ZNF594: variants seen among roughly 807,000 people sequenced by gnomAD.
ZNF594 encodes zinc finger protein 594.
For missense variants in ZNF594, 1,037 were observed against 964.6 expected (o/e 1.08, Z -0.99); for synonymous variants, 336 against 309.4 (o/e 1.09, Z -0.90).
chr17:5,174,757 G>A (rs566203621), downstream of ZNF594: 19 of 199,800 alleles, frequency 9.5e-5, no homozygotes, highest in South Asian at 3.8e-4. Flanking sequence ...ATGAACTAGC[G>A]GAAAATTTAT....
chr17:5,188,521 G>A (rs1669170755), intron 1 of ZNF594, among the ~76,000 whole-genome samples: 1 of 151,798 alleles, frequency 6.6e-6, no homozygotes, highest in Non-Finnish European at 1.5e-5. Context: ...TGGGATGTAT[G>A]CTTAAAATAA....
chr17:5,181,951 GTCC>G lies in ZNF594; in HGVS notation c.2303_2305del (p.Arg768del). ...GATGAGATCTGAGCTGCCCTGGAAG[GTCC>G]TACTACACTGATTACACCAATAAAC... is the stretch of plus-strand genomic sequence containing the variant. On this transcript the variant is annotated inframe_deletion, in exon 2 of 2. Coordinates refer to ENST00000575779, the MANE Select transcript of ZNF594 (RefSeq NM_032530.2). 3 of 1,613,772 alleles carry G rather than the reference GTCC, an allele frequency of 1.9e-6. No individual in the cohort carries two copies. Among genetic ancestry groups the G allele is most frequent in the Non-Finnish European group, 1.7e-6 (2 of 1,180,008 alleles).
At position 5,182,311 on chromosome 17, in the gene ZNF594, T is replaced by A. The variant is rs549760236; in HGVS notation, c.1946A>T (p.Glu649Val). ...LIKHHRIHTG[E>V]KPYECSECGK... ...ACATTCACTACATTCATAGGGTTTC[T>A]CTCCAGTATGAATACGATGGTGTTT... Residue 649 changes from glutamate (E) to valine (V), a missense_variant, in exon 2 of 2, where the codon GAG becomes GTG. Coordinates refer to ENST00000575779, the MANE Select transcript of ZNF594 (RefSeq NM_032530.2). 1.9e-6 allele frequency: 3 copies of A among 1,613,576 alleles called. No homozygotes were observed. The highest frequency in any genetic ancestry group is 2.5e-6 in the Non-Finnish European group (3 of 1,179,966).
chr17:5,182,994 T>A lies in ZNF594; in HGVS notation c.1263A>T (p.Arg421Ser), dbSNP rs1287664744. ...TTTCTCCACTGTGAATTCTATGATG[T>A]CTCAGAAGGTCTGAGCTCTGATTGA... ...KTFNQSSDLL[R>S]HHRIHSGEKP... is the part of the protein sequence containing the mutation. The change falls in exon 2 of 2, where the codon AGA becomes AGT. Residue 421 changes from arginine (R) to serine (S), a missense_variant. Transcript: ENST00000575779. The A allele has an allele frequency of 6.2e-7, 1 of 1,614,166 alleles. No homozygotes were observed.
chr17:5,183,558 G>A lies in ZNF594; in HGVS notation c.699C>T (p.His233=). The A allele has an allele frequency of 1.2e-6, 2 of 1,614,132 alleles. No homozygotes were observed. Among genetic ancestry groups the A allele is most frequent in the Non-Finnish European group, 1.7e-6 (2 of 1,180,020 alleles). ...SSNLVLHQRI[H]SRGKPYLCNK... is the part of the protein sequence containing the mutation. The stretch of plus-strand genomic sequence containing the variant: ...TGCATAAATATGGCTTCCCCCTACT[G>A]TGGATTCTCTGGTGCAGGACAAGGT... The change falls in exon 2 of 2, where the codon CAC becomes CAT. Residue 233 remains histidine, a synonymous_variant. Coordinates refer to ENST00000575779, the MANE Select transcript of ZNF594 (RefSeq NM_032530.2).
Position 5,183,974 on chromosome 17 carries a change from C to T in ZNF594, c.283G>A (p.Gly95Arg), listed in dbSNP as rs373678241. The change falls in exon 2 of 2, where the codon GGA (glycine) becomes AGA (arginine). Residue 95 changes from glycine (G) to arginine (R), a missense_variant. Coordinates refer to ENST00000575779, the MANE Select transcript of ZNF594 (RefSeq NM_032530.2). ...CNEGEKILSA[G>R]ESSHRYEVSG... ...ACCTCATATCTATGGGAGCTTTCTCCTGCAGAAAGTATTTTTTCTCCTTCA... is the reference window on the plus strand; with the variant it reads ...ACCTCATATCTATGGGAGCTTTCTCTTGCAGAAAGTATTTTTTCTCCTTCA... 35 of 1,614,090 alleles carry T rather than the reference C, an allele frequency of 2.2e-5. No homozygotes were observed. In the African/African-American group the frequency reaches 4.5e-4, roughly 21 times the overall value.
chr17:5,184,775 C>G (rs75903360), intron 1 of ZNF594, among the ~76,000 whole-genome samples: 1 of 152,178 alleles, frequency 6.6e-6, no homozygotes, highest in Non-Finnish European at 1.5e-5. Flanking sequence ...CCCATGGCCA[C>G]GCATTGTCCC....
downstream of ZNF594, among the ~76,000 whole-genome samples, chr17:5,176,887 A>T (rs1051012783): frequency 1.3e-5 from 2 of 152,200 alleles, no homozygotes; most frequent in Admixed American, 1.3e-4. Context: ...CAACAGAAAC[A>T]AATCAAGGAT....
downstream of ZNF594, among the ~76,000 whole-genome samples, chr17:5,178,014 A>G (rs548842101): frequency 7.9e-5 from 12 of 152,268 alleles, no homozygotes; most frequent in South Asian, 2.5e-3. Context: ...TAAGGAAGAA[A>G]ACACCTAAAT....
Position 5,183,688 on chromosome 17 carries a change from T to C in ZNF594, c.569A>G (p.Lys190Arg), listed in dbSNP as rs2074365893. ...CAGATTGGAGCTCTGATTGAAGTCT[T>C]TTCCACATTCATGACATATATAAGG... ...KKPYICHECG[K>R]DFNQSSNLVR... Residue 190 changes from lysine to arginine, a missense_variant, in exon 2 of 2, where the codon AAA becomes AGA. Coordinates refer to ENST00000575779, the MANE Select transcript of ZNF594 (RefSeq NM_032530.2). The C allele has an allele frequency of 1.2e-6, 2 of 1,614,094 alleles. No individual in the cohort carries two copies. The highest frequency in any genetic ancestry group is 1.7e-5 in the Admixed American group (1 of 60,006).
chr17:5,178,281 T>C (rs1419285041), downstream of ZNF594, among the ~76,000 whole-genome samples: 5 of 152,118 alleles, frequency 3.3e-5, no homozygotes, highest in African/African-American at 9.7e-5. Context: ...CATCCAAAAA[T>C]AGTTCACATA....
At chr17:5,178,910 A>G (rs1017264428), downstream of ZNF594, among the ~76,000 whole-genome samples, 5 of 152,200 alleles carry the variant, frequency 3.3e-5, no homozygotes, top group African/African-American at 1.2e-4. Flanking sequence ...ATACCTTTTT[A>G]AATTCTTCAA....
intron 1 of ZNF594, among the ~76,000 whole-genome samples, chr17:5,188,811 G>A (rs957687257): frequency 2.7e-5 from 4 of 148,312 alleles, no homozygotes; most frequent in African/African-American, 5.0e-5. Flanking sequence ...GCAATGGCGC[G>A]ATCTCGGCTC....
chr17:5,187,537 G>A (rs758418651), intron 1 of ZNF594, among the ~76,000 whole-genome samples: 1 of 152,142 alleles, frequency 6.6e-6, no homozygotes, highest in Non-Finnish European at 1.5e-5. Flanking sequence ...AATCTTCTTG[G>A]AGTGAATGAG....
rs1370903688 is a variant in ZNF594 at position 5,181,256 on chromosome 17, A to G, written c.*577T>C. ...AAGGTTTTTCTCCACTGTGAATTCT[A>G]TGATGTCTCAGAAGGTCTGAGCTCT... is the stretch of plus-strand genomic sequence containing the variant. On this transcript the variant is annotated 3_prime_UTR_variant, in exon 2 of 2. Coordinates refer to ENST00000575779, the MANE Select transcript of ZNF594 (RefSeq NM_032530.2). 1 of 1,612,478 alleles carries G rather than the reference A, an allele frequency of 6.2e-7. No individual in the cohort carries two copies. The highest frequency in any genetic ancestry group is 1.7e-5 in the Admixed American group (1 of 60,022).
At chr17:5,185,215 G>C (rs747372739) in intron 1 of ZNF594, among the ~76,000 whole-genome samples, 2 of 152,134 alleles carry the variant, frequency 1.3e-5, no homozygotes, top group Non-Finnish European at 2.9e-5. Context: ...ACCTGAGACT[G>C]GAGAGAAAAA....
Position 5,183,340 on chromosome 17 carries a change from T to G in ZNF594, c.917A>C (p.Gln306Pro). The change falls in exon 2 of 2, where the codon CAG (glutamine) becomes CCG (proline). Residue 306 changes from glutamine to proline, a missense_variant. Coordinates refer to ENST00000575779, the MANE Select transcript of ZNF594 (RefSeq NM_032530.2). ...CTGGTGTTCAGTAAGGTGAGAATGC[T>G]GCCTGAAGGCTTTTTCACATTCATT... is the stretch of plus-strand genomic sequence containing the variant. ...KCNECEKAFR[Q>P]HSHLTEHQRL... is the part of the protein sequence containing the mutation. The G allele has an allele frequency of 6.2e-7, 1 of 1,613,912 alleles. No homozygotes were observed. Among genetic ancestry groups the G allele is most frequent in the South Asian group, 1.1e-5 (1 of 91,080 alleles).
downstream of ZNF594, among the ~76,000 whole-genome samples, chr17:5,177,547 T>A (rs2074314961): frequency 6.6e-6 from 1 of 151,998 alleles, no homozygotes; most frequent in East Asian, 1.9e-4. Flanking sequence ...CCGTCTCTAC[T>A]AAAAAATACA....
rs150804360 is a variant in ZNF594 at position 5,185,811 on chromosome 17, C to T, written c.-20-1535G>A. Among the ~76,000 whole-genome samples, 46 of 152,248 alleles carry T rather than the reference C, an allele frequency of 3.0e-4. 1 individual carries two copies. Among genetic ancestry groups the T allele is most frequent in the African/African-American group, 7.9e-4 (33 of 41,540 alleles). On this transcript the variant is annotated intron_variant, in intron 1 of 1. Transcript: ENST00000575779. ...AGGGGTTACAGGGCCCATGCAAGTC[C>T]GAAATCCAGCAAGGCAATCAAATTT...
Sources: gnomAD v4.1 joint callset for allele counts (sites outside exome capture counted in the v4.1 genomes callset) on GRCh38, gnomAD v4.1.1 for gene constraint, MANE v1.5 for transcripts, NCBI Gene and HGNC (gene_info 2026-07-23, HGNC 2026-07-21) for gene names.